UBE2O: variants seen among roughly 807,000 people sequenced by gnomAD.
The protein encoded by UBE2O is ubiquitin conjugating enzyme E2 O.
Under a neutral mutation model 125.8 loss-of-function variants are expected in UBE2O, and 15 were observed. The ratio of observed to expected loss-of-function variants is 0.12; its 90% confidence interval spans 0.08 to 0.18. The LOEUF (loss-of-function observed/expected upper bound fraction) is 0.18. Among genes scored for constraint, UBE2O ranks in the 10% least tolerant of loss-of-function variants. UBE2O has a pLI of 1.00. For synonymous variants in UBE2O, 708 were observed against 703.2 expected (o/e 1.01, Z -0.11); for missense variants, 1,280 against 1,723.6 (o/e 0.74, Z 4.56).
chr17:76,391,657 A>G lies in UBE2O; in HGVS notation c.3209-44T>C. The G allele has an allele frequency of 1.2e-6, 2 of 1,600,988 alleles. No individual in the cohort carries two copies. The highest frequency in any genetic ancestry group is 8.5e-7 in the Non-Finnish European group (1 of 1,171,554). On this transcript the variant is annotated intron_variant, in intron 17 of 17. Coordinates refer to ENST00000319380, the MANE Select transcript of UBE2O (RefSeq NM_022066.4). The surrounding 1 kb of genome is among the most constrained non-coding windows in gnomAD (Gnocchi z 8.4). ...TTCCCTCAGTGGGTGAGAGAGGCCC[A>G]CAATGCAGGCCTACCCTCCACCTGC...
chr17:76,398,357 A>G lies in UBE2O; in HGVS notation c.1923T>C (p.Ser641=), dbSNP rs2072254018. The G allele has an allele frequency of 5.6e-6, 9 of 1,614,042 alleles. No individual in the cohort carries two copies. Among genetic ancestry groups the G allele is most frequent in the Admixed American group, 1.7e-5 (1 of 60,012 alleles). The change falls in exon 12 of 18, where the codon AGT becomes AGC. Residue 641 remains serine, a synonymous_variant. Coordinates refer to ENST00000319380, the MANE Select transcript of UBE2O (RefSeq NM_022066.4). This position sits in a 1 kb window ranked among gnomAD's most constrained non-coding sequence, Gnocchi z 5.4. ...CAGGGTGGTCAGCAATGTCGTAAAC[A>G]CTCACATCTTCCTCTTCTCCAATCA... ...VELIGEEEDV[S]VYDIADHPDF... is the part of the protein sequence containing the mutation.
chr17:76,418,579 T>G (rs1364743229), intron 1 of UBE2O, among the ~76,000 whole-genome samples: 2 of 151,888 alleles, frequency 1.3e-5, no homozygotes, highest in Admixed American at 6.5e-5. Context: ...GTTTTTTTTT[T>G]TTTTTTTTGA....
At chr17:76,437,019 G>A (rs921827085) in intron 1 of UBE2O, among the ~76,000 whole-genome samples, 1 of 151,960 alleles carries the variant, frequency 6.6e-6, no homozygotes, top group African/African-American at 2.4e-5. Flanking sequence ...CATGGTGGTG[G>A]GCACCCATAA....
intron 1 of UBE2O, among the ~76,000 whole-genome samples, chr17:76,415,213 C>T (rs558252686): frequency 2.6e-5 from 4 of 152,254 alleles, no homozygotes; most frequent in Admixed American, 6.5e-5. Context: ...TGTTAGTTCA[C>T]GGAATGAGGA....
intron 1 of UBE2O, among the ~76,000 whole-genome samples, chr17:76,449,354 C>T (rs974785966): frequency 9.2e-5 from 14 of 152,264 alleles, no homozygotes; most frequent in Non-Finnish European, 5.9e-5. Context: ...GCCGGTGAAT[C>T]ACTTGAGGCC....
chr17:76,434,323 G>T (rs1368369167), intron 1 of UBE2O, among the ~76,000 whole-genome samples: 1 of 152,142 alleles, frequency 6.6e-6, no homozygotes, highest in Non-Finnish European at 1.5e-5. Flanking sequence ...TTATTCTGAT[G>T]TTCCCAGCAC....
intron 1 of UBE2O, among the ~76,000 whole-genome samples, chr17:76,416,171 C>T (rs746802125): frequency 4.9e-4 from 72 of 146,282 alleles, no homozygotes; most frequent in Middle Eastern, 9.5e-3. Flanking sequence ...TATACACATA[C>T]GTGTGTGTGT....
intron 1 of UBE2O, among the ~76,000 whole-genome samples, chr17:76,433,639 C>T (rs1052266081): frequency 6.6e-6 from 1 of 150,664 alleles, no homozygotes; most frequent in African/African-American, 2.4e-5. Context: ...GTCTCGATCG[C>T]TTGAACCCAG....
At chr17:76,407,036 A>G (rs2072436051) in intron 1 of UBE2O, among the ~76,000 whole-genome samples, 2 of 152,124 alleles carry the variant, frequency 1.3e-5, no homozygotes, top group Non-Finnish European at 2.9e-5. Flanking sequence ...CAGTCCTTAA[A>G]CGCAGGGTTC....
intron 1 of UBE2O, among the ~76,000 whole-genome samples, chr17:76,422,315 C>G (rs528308555): frequency 6.6e-6 from 1 of 152,206 alleles, no homozygotes; most frequent in Non-Finnish European, 1.5e-5. Flanking sequence ...TCACTTTAAC[C>G]TGGCTTTTCC....
In UBE2O at chr17:76,399,897, C is replaced by T. The variant is rs769320836; in HGVS notation, c.1180G>A (p.Val394Ile). 1 of 1,608,428 alleles carries T rather than the reference C, an allele frequency of 6.2e-7. No homozygotes were observed. Among genetic ancestry groups the T allele is most frequent in the East Asian group, 2.2e-5 (1 of 44,852 alleles). ...GGGGAGCATGACATGATCCGCACAA[C>T]CTGCTTCTTCAACAGGCGCTTCACC... is the stretch of plus-strand genomic sequence containing the variant. ...KKVKRLLKKQ[V>I]VRIMSCSPDT... Residue 394 changes from valine (V) to isoleucine (I), a missense_variant, in exon 9 of 18, where the codon GTT becomes ATT. Physicochemically the swap from Val to Ile is conservative, Grantham distance 29. This residue lies in a region of UBE2O where 141 missense variants were observed against 141.3 expected (regional missense o/e 1.00). Transcript: ENST00000319380. This position sits in a 1 kb window ranked among gnomAD's most constrained non-coding sequence, Gnocchi z 6.9.
intron 1 of UBE2O, among the ~76,000 whole-genome samples, chr17:76,407,354 G>A (rs976475265): frequency 3.3e-5 from 5 of 152,186 alleles, no homozygotes; most frequent in African/African-American, 1.2e-4. Flanking sequence ...TTCTGTGCCT[G>A]TAACCCTCTG....
Position 76,398,999 on chromosome 17 carries a change from T to TG in UBE2O, c.1629-9dup, listed in dbSNP as rs1480323191. 4 of 1,613,232 alleles carry TG rather than the reference T, an allele frequency of 2.5e-6. No homozygotes were observed. Among genetic ancestry groups the TG allele is most frequent in the Admixed American group, 1.7e-5 (1 of 59,976 alleles). ...ACCACCTCCACTGCCACCCTGCGGG[T>TG]GCAGGCCAGTCAGCAGGCCATGCAA... On this transcript the variant is annotated splice_polypyrimidine_tract_variant and intron_variant, in intron 9 of 17. Transcript: ENST00000319380. This position sits in a 1 kb window ranked among gnomAD's most constrained non-coding sequence, Gnocchi z 5.4.
chr17:76,443,365 T>C (rs1360269710), intron 1 of UBE2O, among the ~76,000 whole-genome samples: 2 of 152,192 alleles, frequency 1.3e-5, no homozygotes, highest in African/African-American at 4.8e-5. Flanking sequence ...CTCGGCTCAC[T>C]GCAACCTCTG....
intron 1 of UBE2O, among the ~76,000 whole-genome samples, chr17:76,432,185 G>A (rs1449535094): frequency 1.3e-5 from 2 of 152,044 alleles, no homozygotes; most frequent in Non-Finnish European, 2.9e-5. Context: ...GCCCCCTATC[G>A]CCAGGCACAC....
At chr17:76,435,727 A>G (rs2072985911) in intron 1 of UBE2O, among the ~76,000 whole-genome samples, 1 of 152,176 alleles carries the variant, frequency 6.6e-6, no homozygotes, top group Admixed American at 6.5e-5. Flanking sequence ...CCTGTGTCTG[A>G]GGCCTTCTCT....
In UBE2O at chr17:76,399,891, G is replaced by C; in HGVS notation, c.1186C>G (p.Arg396Gly). The change falls in exon 9 of 18, where the codon CGG (arginine) becomes GGG (glycine). Residue 396 changes from arginine (R) to glycine (G), a missense_variant. Physicochemically the swap from Arg to Gly is moderately radical, Grantham distance 125. This residue lies in a region of UBE2O where 141 missense variants were observed against 141.3 expected (regional missense o/e 1.00). Coordinates refer to ENST00000319380, the MANE Select transcript of UBE2O (RefSeq NM_022066.4). The surrounding 1 kb of genome is among the most constrained non-coding windows in gnomAD (Gnocchi z 6.9). ...GTGTCTGGGGAGCATGACATGATCC[G>C]CACAACCTGCTTCTTCAACAGGCGC... ...VKRLLKKQVVRIMSCSPDTQC... is the reference protein window; with the variant it reads ...VKRLLKKQVVGIMSCSPDTQC... The C allele has an allele frequency of 6.2e-7, 1 of 1,609,804 alleles. No individual in the cohort carries two copies. The highest frequency in any genetic ancestry group is 8.5e-7 in the Non-Finnish European group (1 of 1,177,890).
chr17:76,437,687 T>C (rs924189458), intron 1 of UBE2O, among the ~76,000 whole-genome samples: 2 of 152,092 alleles, frequency 1.3e-5, no homozygotes, highest in Non-Finnish European at 2.9e-5. Context: ...CTGAGTAGCT[T>C]GGATTACAGG....
rs1247282621 is a variant in UBE2O at position 76,395,586 on chromosome 17, C to T, written c.2946+139G>A. ...CCTCACCTGACTGAGCCTGTGACCG[C>T]CCCTGTAAAAGGTGGGTGGGTGAGT... On this transcript the variant is annotated intron_variant, in intron 15 of 17. Coordinates refer to ENST00000319380, the MANE Select transcript of UBE2O (RefSeq NM_022066.4). The surrounding 1 kb of genome is among the most constrained non-coding windows in gnomAD (Gnocchi z 5.0). The T allele has an allele frequency of 1.1e-5, 11 of 1,003,598 alleles. No homozygotes were observed. Among genetic ancestry groups the T allele is most frequent in the Non-Finnish European group, 1.6e-5 (11 of 685,246 alleles). 62.2% of individuals were successfully genotyped at this position (1,003,598 alleles called of 1,614,324 possible).
Sources: allele counts gnomAD v4.1 joint callset (sites outside exome capture counted in the v4.1 genomes callset), GRCh38; gene constraint gnomAD v4.1.1; regional missense constraint gnomAD v4.1.1; non-coding constraint Gnocchi (gnomAD v3.1); transcripts MANE v1.5; gene names NCBI Gene and HGNC (gene_info 2026-07-23, HGNC 2026-07-21).